Variants in CNTN6 observed in about 807,000 individuals in gnomAD.
The protein encoded by CNTN6 is contactin-6.
A neutral mutation model predicts 122.8 loss-of-function variants in CNTN6; 137 were observed. The ratio of observed to expected loss-of-function variants is 1.12; its 90% CI spans 0.97 to 1.29. The LOEUF (loss-of-function observed/expected upper bound fraction) is 1.29. Among genes scored for constraint, CNTN6 ranks in the 50% most tolerant of loss-of-function variants. The pLI is 0.00. For missense variants in CNTN6, 1,634 were observed against 1,223.4 expected (o/e 1.34, Z -5.01); for synonymous variants, 570 against 426.0 (o/e 1.34, Z -4.16).
At chr3:1,103,038 G>A (rs530007935) in intron 1 of CNTN6, among the ~76,000 whole-genome samples, 10 of 151,594 alleles carry the variant, frequency 6.6e-5, no homozygotes, top group African/African-American at 1.2e-4. Context: ...CCCGGGAGGC[G>A]GAGCTTGCAG....
chr3:1,379,054 T>C (rs1036387387), intron 17 of CNTN6, among the ~76,000 whole-genome samples: 14 of 152,164 alleles, frequency 9.2e-5, no homozygotes, highest in Non-Finnish European at 1.9e-4. Context: ...TTGCCTGACT[T>C]AATAACTTAT....
chr3:1,314,925 A>T (rs923486336), intron 7 of CNTN6, among the ~76,000 whole-genome samples: 2 of 152,014 alleles, frequency 1.3e-5, no homozygotes, highest in African/African-American at 4.8e-5. Context: ...TCCCTCATCT[A>T]TGGTCTGAGG....
chr3:1,403,151 G>T (rs1695944217), intron 22 of CNTN6, among the ~76,000 whole-genome samples, 167 bp from the exon 23 acceptor site: 1 of 152,040 alleles, frequency 6.6e-6, no homozygotes, highest in Non-Finnish European at 1.5e-5. Flanking sequence ...CTTGGACAAA[G>T]ACACGGTAAG....
chr3:1,168,130 T>C (rs910954895), intron 2 of CNTN6, among the ~76,000 whole-genome samples: 1 of 151,752 alleles, frequency 6.6e-6, no homozygotes, highest in African/African-American at 2.4e-5. Context: ...TTGGTCTCGA[T>C]CTCCTGACCT....
intron 1 of CNTN6, among the ~76,000 whole-genome samples, chr3:1,099,102 CTTAT>C (rs2090712503): frequency 6.6e-6 from 1 of 151,862 alleles, no homozygotes; most frequent in South Asian, 2.1e-4. Context: ...TGAAAGCAAA[CTTAT>C]TTAACTTGTG....
intron 7 of CNTN6, 57 bp from the exon 8 acceptor site, chr3:1,321,593 A>G: frequency 7.0e-7 from 1 of 1,425,538 alleles, no homozygotes; most frequent in East Asian, 2.4e-5. Flanking sequence ...CTCTTCTTTT[A>G]TTTTGCTGTC....
At chr3:1,400,472 C>A (rs1695545993) in intron 20 of CNTN6, among the ~76,000 whole-genome samples, 1 of 146,610 alleles carries the variant, frequency 6.8e-6, no homozygotes, top group Non-Finnish European at 1.5e-5. Flanking sequence ...TATCTCCCAC[C>A]ATCTCTCACG....
At chr3:1,200,089 C>T (rs2093840506) in intron 2 of CNTN6, among the ~76,000 whole-genome samples, 1 of 152,002 alleles carries the variant, frequency 6.6e-6, no homozygotes, top group Admixed American at 6.6e-5. Flanking sequence ...TGAAGTCTCG[C>T]TCTGTTGCTG....
chr3:1,388,439 A>G (rs1693519025), intron 20 of CNTN6, among the ~76,000 whole-genome samples: 2 of 151,532 alleles, frequency 1.3e-5, no homozygotes, highest in Non-Finnish European at 2.9e-5. Context: ...GACCAAAAGT[A>G]GATAAAAACC....
At chr3:1,103,599 A>G (rs1221160343) in intron 1 of CNTN6, among the ~76,000 whole-genome samples, 3 of 152,214 alleles carry the variant, frequency 2.0e-5, no homozygotes, top group East Asian at 1.9e-4. Context: ...ATAGAAAAAG[A>G]GAGACTGGAG....
chr3:1,386,883 T>G (rs1012160590), intron 20 of CNTN6, among the ~76,000 whole-genome samples: 1 of 152,140 alleles, frequency 6.6e-6, no homozygotes, highest in Non-Finnish European at 1.5e-5. Context: ...TAAAGTTATA[T>G]TAAAGTTATT....
intron 3 of CNTN6, among the ~76,000 whole-genome samples, chr3:1,225,321 G>A (rs2094266528): frequency 6.6e-6 from 1 of 152,118 alleles, no homozygotes; most frequent in African/African-American, 2.4e-5. Flanking sequence ...TTAGGACAAA[G>A]CCCACACCAG....
intron 3 of CNTN6, among the ~76,000 whole-genome samples, chr3:1,227,319 A>G (rs961810730): frequency 4.6e-5 from 7 of 152,212 alleles, no homozygotes; most frequent in African/African-American, 1.7e-4. Context: ...TAACAGAGGT[A>G]ATCATGTTCT....
intron 12 of CNTN6, among the ~76,000 whole-genome samples, chr3:1,363,115 A>G (rs1707719862): frequency 6.6e-6 from 1 of 151,972 alleles, no homozygotes; most frequent in South Asian, 2.1e-4. Context: ...AAAATTTCAT[A>G]TATTTAAGGG....
intron 2 of CNTN6, among the ~76,000 whole-genome samples, chr3:1,220,364 G>T (rs1480475939): frequency 6.6e-6 from 1 of 152,052 alleles, no homozygotes; most frequent in Non-Finnish European, 1.5e-5. Context: ...ACAAAAAATA[G>T]AATTTTATTA....
At chr3:1,219,702 T>C (rs1461140425) in intron 2 of CNTN6, among the ~76,000 whole-genome samples, 1 of 152,066 alleles carries the variant, frequency 6.6e-6, no homozygotes, top group Non-Finnish European at 1.5e-5. Context: ...TTGTTGCAGA[T>C]TGAAATAGAC....
chr3:1,398,435 T>C (rs1480588660), intron 20 of CNTN6, among the ~76,000 whole-genome samples: 1 of 152,058 alleles, frequency 6.6e-6, no homozygotes, highest in Non-Finnish European at 1.5e-5. Context: ...TAAAAACATA[T>C]CAAGCATCCA....
intron 20 of CNTN6, among the ~76,000 whole-genome samples, chr3:1,388,505 C>T (rs573564298): frequency 0.05 from 7,567 of 151,528 alleles, 359 homozygotes; most frequent in East Asian, 0.083. Flanking sequence ...ACGCAGAGCG[C>T]CTCTCCTCCT....
chr3:1,383,310 A>AG lies in CNTN6; in HGVS notation c.2423dup (p.Thr809AsnfsTer10). 1 of 1,613,940 alleles carries AG rather than the reference A, an allele frequency of 6.2e-7. No individual in the cohort carries two copies. ...GATGGTAGAACCTCAACTGGCCCCA[A>AG]GGGGAACTTCTCTCCAGAGTTTTTC... On this transcript the variant is annotated frameshift_variant, in exon 19 of 23. Coordinates refer to ENST00000446702, the MANE Select transcript of CNTN6 (RefSeq NM_001289080.2). LOFTEE classifies it high-confidence loss of function.
Sources: gnomAD v4.1 joint callset for allele counts (sites outside exome capture counted in the v4.1 genomes callset) on GRCh38, gnomAD v4.1.1 for gene constraint, MANE v1.5 for transcripts, NCBI Gene and HGNC (gene_info 2026-07-23, HGNC 2026-07-21) for gene names.